MED12L: variants seen among roughly 807,000 people sequenced by gnomAD.
MED12L encodes the protein mediator complex subunit 12L, also known as mediator of RNA polymerase II transcription subunit 12-like protein.
MED12L carries 60 observed loss-of-function variants against 281.3 expected under a neutral mutation model. The observed-to-expected ratio is 0.21, with a 90% confidence interval of 0.17 to 0.26. The LOEUF (loss-of-function observed/expected upper bound fraction) is 0.26, where lower values mean the gene tolerates loss of function less well. Ranked by LOEUF, MED12L falls within the 10% of genes least tolerant of loss-of-function variation. The pLI is 1.00. For missense variants in MED12L, 2,146 were observed against 2,680.9 expected, an observed-to-expected ratio of 0.80 and a Z score of 4.41; for synonymous variants, 974 against 987.2, an observed-to-expected ratio of 0.99 and a Z score of 0.25.
At chr3:151,367,607 G>T in intron 23 of MED12L, 39 bp from the exon 24 acceptor site, 9 of 1,558,880 alleles carry the variant, frequency 5.8e-6, no homozygotes, top group Non-Finnish European at 7.9e-6. Context: ...TGCTTACAAG[G>T]TTGTTAGGTA....
At chr3:151,126,171 C>T (rs1219449453) in intron 4 of MED12L, among the ~76,000 whole-genome samples, 1 of 151,816 alleles carries the variant, frequency 6.6e-6, no homozygotes, top group Non-Finnish European at 1.5e-5. Flanking sequence ...ACCTCAGCCT[C>T]CTGAGTAGCT....
intron 31 of MED12L, among the ~76,000 whole-genome samples, chr3:151,379,267 TGAA>T (rs1711787624): frequency 1.3e-5 from 2 of 152,338 alleles, no homozygotes; most frequent in South Asian, 2.1e-4. Context: ...CAGATGGTAT[TGAA>T]GAGACTTGAA....
intron 16 of MED12L, among the ~76,000 whole-genome samples, chr3:151,296,743 A>G (rs1461914666): frequency 3.3e-5 from 5 of 152,058 alleles, no homozygotes; most frequent in Admixed American, 3.3e-4. Flanking sequence ...GAATTAATTT[A>G]TAGATTCACC....
chr3:151,328,384 C>A (rs1749918446), intron 16 of MED12L: 2 of 1,613,448 alleles, frequency 1.2e-6, no homozygotes, highest in South Asian at 1.1e-5. Flanking sequence ...AAAACACAAG[C>A]ATTAGGATAA....
At chr3:151,317,243 T>A (rs1032881844) in intron 16 of MED12L, among the ~76,000 whole-genome samples, 1 of 152,070 alleles carries the variant, frequency 6.6e-6, no homozygotes, top group African/African-American at 2.4e-5. Context: ...ACTAATGAAA[T>A]CTGTAGACAT....
At chr3:151,200,199 A>G (rs1224279227) in intron 16 of MED12L, among the ~76,000 whole-genome samples, 3 of 152,132 alleles carry the variant, frequency 2.0e-5, no homozygotes, top group East Asian at 1.9e-4. Context: ...GATAATGACA[A>G]TGAAGTCTTG....
At position 151,394,880 on chromosome 3, in the gene MED12L, C is replaced by T. The variant is rs1371967179; in HGVS notation, c.5820+13C>T. The T allele has an allele frequency of 1.9e-6, 3 of 1,613,326 alleles. No homozygotes were observed. Among genetic ancestry groups the T allele is most frequent in the South Asian group, 1.1e-5 (1 of 91,032 alleles). ...GCCTTTCCAACAGGTTTGTCCAGAC[C>T]CCAGCAATGGAGTCCTTTGCATTTT... is the stretch of plus-strand genomic sequence containing the variant. On this transcript the variant is annotated intron_variant, in intron 39 of 44. Transcript: ENST00000687756.
intron 16 of MED12L, among the ~76,000 whole-genome samples, chr3:151,262,331 A>G (rs555835951): frequency 6.6e-6 from 1 of 152,342 alleles, no homozygotes; most frequent in South Asian, 2.1e-4. Context: ...TAGCATGAGT[A>G]GCCCTGGACT....
chr3:151,355,059 A>ATT (rs1753743063), intron 17 of MED12L, 62 bp from the exon 18 acceptor site: 1 of 1,233,170 alleles, frequency 8.1e-7, no homozygotes, highest in Non-Finnish European at 1.2e-6. Flanking sequence ...AAAAGTATCC[A>ATT]TTAAAAATGT....
intron 21 of MED12L, among the ~76,000 whole-genome samples, chr3:151,361,760 C>T (rs1383752814): frequency 6.6e-6 from 1 of 152,096 alleles, no homozygotes; most frequent in Non-Finnish European, 1.5e-5. Flanking sequence ...AACATTCTTT[C>T]AGAGCTATTT....
chr3:151,396,734 C>T (rs894337862), intron 39 of MED12L, among the ~76,000 whole-genome samples: 2 of 152,022 alleles, frequency 1.3e-5, no homozygotes, highest in East Asian at 1.9e-4. Context: ...TATTTATAGC[C>T]CACTTTCAAA....
intron 11 of MED12L, among the ~76,000 whole-genome samples, chr3:151,179,333 G>GA (rs552675814): frequency 9.6e-4 from 140 of 146,522 alleles, no homozygotes; most frequent in Non-Finnish European, 1.8e-3. Context: ...GAGCCAGACC[G>GA]AAAAAAAAAA....
chr3:151,369,860 A>G (rs7612010), intron 26 of MED12L, among the ~76,000 whole-genome samples: 71,147 of 151,974 alleles, frequency 0.47, 18,391 homozygotes, highest in Middle Eastern at 0.66. Flanking sequence ...TGGTGGCAGA[A>G]ATCACACTTT....
intron 10 of MED12L, 145 bp downstream of exon 10, chr3:151,165,664 C>G: frequency 1.1e-6 from 1 of 919,520 alleles, no homozygotes; most frequent in Admixed American, 2.4e-5. Flanking sequence ...CAGTTTATGC[C>G]TTTTAGATCC....
At chr3:151,422,280 C>T (rs752571705) in intron 43 of MED12L, among the ~76,000 whole-genome samples, 10 of 152,150 alleles carry the variant, frequency 6.6e-5, no homozygotes, top group African/African-American at 1.2e-4. Context: ...TAACAAAGTA[C>T]GCAAACTAGA....
intron 42 of MED12L, among the ~76,000 whole-genome samples, chr3:151,415,035 T>C (rs1717386537): frequency 6.6e-6 from 1 of 152,248 alleles, no homozygotes; most frequent in South Asian, 2.1e-4. Context: ...GGATTGATAA[T>C]TTATATTTTG....
At chr3:151,424,169 T>A (rs769439856) in intron 43 of MED12L, among the ~76,000 whole-genome samples, 9 of 152,228 alleles carry the variant, frequency 5.9e-5, no homozygotes, top group Non-Finnish European at 1.2e-4. Context: ...TACGTTGCCT[T>A]CCTTTGCATG....
intron 16 of MED12L, among the ~76,000 whole-genome samples, chr3:151,233,838 G>A (rs761511953): frequency 2.0e-5 from 3 of 152,216 alleles, no homozygotes; most frequent in Non-Finnish European, 2.9e-5. Context: ...TCTCCGCCTT[G>A]TGGTAACTCT....
At chr3:151,322,311 G>A (rs535096197) in intron 16 of MED12L, among the ~76,000 whole-genome samples, 191 of 152,132 alleles carry the variant, frequency 1.3e-3, no homozygotes, top group Non-Finnish European at 1.9e-3. Context: ...TTTGCCTCCC[G>A]AGTTGCTGGG....
Sources: allele counts gnomAD v4.1 joint callset (sites outside exome capture counted in the v4.1 genomes callset), GRCh38; gene constraint gnomAD v4.1.1; transcripts MANE v1.5; gene names NCBI Gene and HGNC (gene_info 2026-07-23, HGNC 2026-07-21).